CDH8: variants seen among roughly 807,000 people sequenced by gnomAD.
CDH8 encodes the protein cadherin-8.
In CDH8, 17 loss-of-function variants were observed where a neutral mutation model predicts 68.1. The ratio of observed to expected loss-of-function variants is 0.25; its 90% CI spans 0.17 to 0.37. CDH8 has a LOEUF of 0.37. Among genes scored for constraint, CDH8 ranks in the 10% least tolerant of loss-of-function variants. The pLI is 1.00. For missense variants in CDH8, 763 were observed against 999.3 expected (o/e 0.76, Z 3.19); for synonymous variants, 372 against 365.1 (o/e 1.02, Z -0.21).
At chr16:61,797,932 T>C (rs1360147770) in intron 7 of CDH8, among the ~76,000 whole-genome samples, 1 of 152,150 alleles carries the variant, frequency 6.6e-6, no homozygotes, top group Non-Finnish European at 1.5e-5. Flanking sequence ...TTCAGTGTGT[T>C]TGTGTTGTTT....
intron 2 of CDH8, among the ~76,000 whole-genome samples, chr16:61,919,193 G>C (rs550303589): frequency 6.9e-6 from 1 of 145,724 alleles, no homozygotes; most frequent in Admixed American, 7.1e-5. Flanking sequence ...ACCAAAAGTA[G>C]ATAAAACCAC....
Position 61,917,202 on chromosome 16 carries a change from T to C in CDH8, c.253-15729A>G, listed in dbSNP as rs537604546. 3.4e-5 allele frequency among the ~76,000 whole-genome samples: 5 copies of C among 145,156 alleles called. No homozygotes were observed. In the East Asian group the frequency reaches 1.0e-3, roughly 29 times the overall value. On this transcript the variant is annotated intron_variant, in intron 2 of 11. Transcript: ENST00000577390. The stretch of plus-strand genomic sequence containing the variant: ...CGCTGTGTTCCTGCTGGCTGAGTTT[T>C]AGTCATCTATAGGTAAGGTTTTTTT...
At chr16:62,004,989 T>G (rs1331139187) in intron 2 of CDH8, among the ~76,000 whole-genome samples, 1 of 152,200 alleles carries the variant, frequency 6.6e-6, no homozygotes, top group Non-Finnish European at 1.5e-5. Flanking sequence ...CTTCCAAGGC[T>G]CTAATTCCAA....
At chr16:61,779,184 T>C (rs922575720) in intron 8 of CDH8, among the ~76,000 whole-genome samples, 5 of 152,106 alleles carry the variant, frequency 3.3e-5, no homozygotes, top group Non-Finnish European at 5.9e-5. Context: ...GTTTTGAAAC[T>C]TTCTATTCCA....
chr16:62,011,650 A>G (rs953664605), intron 2 of CDH8, among the ~76,000 whole-genome samples: 4 of 141,484 alleles, frequency 2.8e-5, no homozygotes, highest in African/African-American at 1.0e-4. Context: ...TTTAATGTGC[A>G]TAAGAATGAC....
At chr16:62,029,448 C>G (rs1902272758) in intron 1 of CDH8, among the ~76,000 whole-genome samples, 1 of 152,102 alleles carries the variant, frequency 6.6e-6, no homozygotes, top group Non-Finnish European at 1.5e-5. Flanking sequence ...AATAGCTTTC[C>G]CTCTCCACAA....
chr16:61,783,266 A>T (rs1472344368), intron 8 of CDH8, among the ~76,000 whole-genome samples: 1 of 118,168 alleles, frequency 8.5e-6, no homozygotes, highest in Admixed American at 8.8e-5. Flanking sequence ...CTGAAAACCA[A>T]GGCTCGAGAA....
Position 61,857,279 on chromosome 16 carries a change from T to G in CDH8, c.548-41A>C, listed in dbSNP as rs780721261. ...AAGAAAAAAGATAATAATTAACACA[T>G]TGTCCTTTGCCAAGAGCTACATTTT... On this transcript the variant is annotated intron_variant, in intron 3 of 11. Coordinates refer to ENST00000577390, the MANE Select transcript of CDH8 (RefSeq NM_001796.5). The G allele has an allele frequency of 3.8e-6, 6 of 1,565,938 alleles. No homozygotes were observed. In the East Asian group the frequency reaches 1.2e-4, roughly 30 times the overall value.
chr16:62,000,233 G>T (rs1965873258), intron 2 of CDH8, among the ~76,000 whole-genome samples: 1 of 152,102 alleles, frequency 6.6e-6, no homozygotes, highest in Admixed American at 6.6e-5. Flanking sequence ...CCAAGTCTTT[G>T]CTATTGTAAA....
chr16:61,688,401 C>T (rs553378692), intron 10 of CDH8, among the ~76,000 whole-genome samples: 2 of 152,084 alleles, frequency 1.3e-5, no homozygotes, highest in South Asian at 4.2e-4. Context: ...TGCTAACCTC[C>T]CCCAGGGCCC....
chr16:61,959,123 C>A (rs1965034225), intron 2 of CDH8, among the ~76,000 whole-genome samples: 1 of 152,048 alleles, frequency 6.6e-6, no homozygotes, highest in African/African-American at 2.4e-5. Context: ...CCTTCTCCCC[C>A]ATCTCCATCT....
chr16:61,726,995 G>T, intron 9 of CDH8, 99 bp downstream of exon 9: 1 of 1,278,020 alleles, frequency 7.8e-7, no homozygotes, highest in Non-Finnish European at 1.1e-6. Context: ...AGACTTTGCA[G>T]ATCATAAATG....
At chr16:61,764,290 G>A (rs147510755) in intron 8 of CDH8, among the ~76,000 whole-genome samples, 111 of 152,206 alleles carry the variant, frequency 7.3e-4, no homozygotes, top group African/African-American at 2.6e-3. Context: ...AATGAAAGAA[G>A]TGAGAAGGGG....
chr16:61,822,835 TG>T (rs1319145951), intron 5 of CDH8, among the ~76,000 whole-genome samples: 1 of 151,884 alleles, frequency 6.6e-6, no homozygotes, highest in East Asian at 1.9e-4. Context: ...TAGTCCTACA[TG>T]GGGAGTCTTG....
chr16:61,674,948 A>C (rs988120627), intron 10 of CDH8, among the ~76,000 whole-genome samples: 2 of 151,662 alleles, frequency 1.3e-5, no homozygotes, highest in African/African-American at 4.8e-5. Flanking sequence ...AGAAAGCAAA[A>C]AAAAAAAAAC....
chr16:61,960,048 T>TGTGTGTGTATACACATACATATATAC lies in CDH8; in HGVS notation c.253-58576_253-58575insGTATATATGTATGTGTATACACACAC, dbSNP rs1157710134. 1.6e-4 allele frequency among the ~76,000 whole-genome samples: 16 copies of TGTGTGTGTATACACATACATATATAC among 100,128 alleles called. 3 individuals are homozygous for TGTGTGTGTATACACATACATATATAC. The highest frequency in any genetic ancestry group is 4.6e-4 in the African/African-American group (10 of 21,638). 65.7% of individuals were successfully genotyped at this position (100,128 alleles called of 152,430 possible). ...TACACACACACACACAACATATATG[T>TGTGTGTGTATACACATACATATATAC]ATGTATGTGTGTGTGTATACACATA... is the stretch of plus-strand genomic sequence containing the variant. On this transcript the variant is annotated intron_variant, in intron 2 of 11. Coordinates refer to ENST00000577390, the MANE Select transcript of CDH8 (RefSeq NM_001796.5).
chr16:62,013,902 G>T (rs1901877254), intron 2 of CDH8, among the ~76,000 whole-genome samples: 3 of 152,058 alleles, frequency 2.0e-5, no homozygotes, highest in Non-Finnish European at 4.4e-5. Context: ...GCTTCAAGTG[G>T]GAAAAATATC....
chr16:61,714,188 AT>A (rs1045298513), intron 9 of CDH8: 12 of 481,146 alleles, frequency 2.5e-5, no homozygotes, highest in African/African-American at 2.4e-4. Context: ...CTTTGTGTCC[AT>A]TTGGTGTCTG....
At chr16:61,940,186 T>A (rs1239713097) in intron 2 of CDH8, 2 of 152,148 alleles carry the variant, frequency 1.3e-5, no homozygotes, top group Non-Finnish European at 2.9e-5. Flanking sequence ...CTACCTCTTA[T>A]CTCCTTTGAC....
Sources: allele counts gnomAD v4.1 joint callset (sites outside exome capture counted in the v4.1 genomes callset), GRCh38; gene constraint gnomAD v4.1.1; transcripts MANE v1.5; gene names NCBI Gene and HGNC (gene_info 2026-07-23, HGNC 2026-07-21).